WWP2: variants seen among roughly 807,000 people sequenced by gnomAD.
The protein encoded by WWP2 is NEDD4-like E3 ubiquitin-protein ligase WWP2.
Under a neutral mutation model 121.0 loss-of-function variants are expected in WWP2, and 57 were observed. That is an observed-to-expected ratio of 0.47 (90% CI 0.38 to 0.59). WWP2 has a LOEUF of 0.59. WWP2 is among the 20% of genes least tolerant of loss of function. The pLI is 0.00. For missense variants in WWP2, 962 were observed against 1,158.9 expected, an observed-to-expected ratio of 0.83 and a Z score of 2.47; for synonymous variants, 449 against 441.3, an observed-to-expected ratio of 1.02 and a Z score of -0.22.
intron 8 of WWP2, among the ~76,000 whole-genome samples, chr16:69,892,415 A>G (rs1242045827): frequency 6.6e-6 from 1 of 151,796 alleles, no homozygotes; most frequent in Non-Finnish European, 1.5e-5. Context: ...TCATTGAAAC[A>G]ATGATTCTCT....
chr16:69,934,892 C>T (rs1356506997), intron 17 of WWP2, among the ~76,000 whole-genome samples: 2 of 152,180 alleles, frequency 1.3e-5, no homozygotes, highest in South Asian at 2.1e-4. Flanking sequence ...AGTCCATGGG[C>T]GCTGCCGTTC....
intron 4 of WWP2, among the ~76,000 whole-genome samples, chr16:69,824,767 CTTTTTTTTTT>C (rs34154307): frequency 2.4e-5 from 2 of 82,754 alleles, no homozygotes; most frequent in Non-Finnish European, 4.3e-5. Flanking sequence ...GCACCTGTGG[CTTTTTTTTTT>C]TTTTTTTTTT....
intron 8 of WWP2, among the ~76,000 whole-genome samples, chr16:69,889,040 G>A (rs2057978964): frequency 6.6e-6 from 1 of 152,186 alleles, no homozygotes; most frequent in Admixed American, 6.5e-5. Flanking sequence ...AGATGGCGTG[G>A]TGGCTCACGT....
intron 6 of WWP2, among the ~76,000 whole-genome samples, chr16:69,847,197 G>T (rs1014667678): frequency 2.6e-5 from 4 of 152,078 alleles, no homozygotes; most frequent in Non-Finnish European, 5.9e-5. Context: ...CAATTCTCCT[G>T]TCTCATCCTC....
intron 1 of WWP2, among the ~76,000 whole-genome samples, chr16:69,779,261 AT>A (rs2055612721): frequency 1.3e-5 from 2 of 152,146 alleles, no homozygotes; most frequent in Non-Finnish European, 2.9e-5. Flanking sequence ...CCGGCCGGTT[AT>A]TTTTCTTTAT....
intron 10 of WWP2, among the ~76,000 whole-genome samples, chr16:69,920,072 G>T (rs1241354959): frequency 1.3e-5 from 2 of 152,146 alleles, no homozygotes; most frequent in African/African-American, 4.8e-5. Flanking sequence ...TGGGATTACA[G>T]GTGTGAGTCA....
rs758516062 is a variant in WWP2, at chr16:69,937,144, G to A, written c.2144G>A (p.Arg715Gln). The A allele has an allele frequency of 9.9e-6, 16 of 1,613,846 alleles. No individual in the cohort carries two copies. Among genetic ancestry groups the A allele is most frequent in the Admixed American group, 3.3e-5 (2 of 59,994 alleles). The change falls in exon 20 of 24, where the codon CGA becomes CAA. Residue 715 changes from arginine (R) to glutamine (Q), a missense_variant. Physicochemically the swap from Arg to Gln is conservative, Grantham distance 43. Transcript: ENST00000359154. The surrounding 1 kb of genome is among the most constrained non-coding windows in gnomAD (Gnocchi z 6.6). ...IMLLTDWRFT[R>Q]GVEEQTKAFL... ...CTGCTGACTGACTGGCGTTTCACCC[G>A]AGGCGTGGAAGAGCAGACCAAAGCC...
At chr16:69,932,337 AAAAC>A (rs879495073) in intron 16 of WWP2, among the ~76,000 whole-genome samples, 3 of 152,354 alleles carry the variant, frequency 2.0e-5, no homozygotes, top group Non-Finnish European at 4.4e-5. Flanking sequence ...TCTCAAAAAC[AAAAC>A]AAACAAAAAA....
At chr16:69,792,553 C>G (rs1271325987) in intron 2 of WWP2, among the ~76,000 whole-genome samples, 1 of 152,186 alleles carries the variant, frequency 6.6e-6, no homozygotes, top group Non-Finnish European at 1.5e-5. Context: ...AAATATCACC[C>G]TGCTGATTAA....
chr16:69,933,255 C>G (rs1189317395), intron 16 of WWP2: 1 of 404,640 alleles, frequency 2.5e-6, no homozygotes, highest in Admixed American at 2.8e-5. Flanking sequence ...CTTGGGACAT[C>G]CCCTTGCTGG....
intron 8 of WWP2, among the ~76,000 whole-genome samples, chr16:69,896,909 T>C (rs982263052): frequency 6.6e-5 from 10 of 152,236 alleles, no homozygotes; most frequent in African/African-American, 2.2e-4. Context: ...GCACCACATA[T>C]ACAGATACAC....
chr16:69,826,100 G>T (rs1047393520), intron 4 of WWP2, among the ~76,000 whole-genome samples: 1 of 150,114 alleles, frequency 6.7e-6, no homozygotes, highest in African/African-American at 2.5e-5. Flanking sequence ...AACCCCATCT[G>T]CACTAAAAAT....
rs1486302943 is a variant in WWP2, at chr16:69,762,338, G to C, written c.-69G>C. On this transcript the variant is annotated 5_prime_UTR_variant, in exon 1 of 24. Transcript: ENST00000359154. ...CACGTGACCCGGCCCGAGTGCGGGC[G>C]GTGGAAGGCGGAAGTAGGAGAGGAG... is the stretch of plus-strand genomic sequence containing the variant. The C allele has an allele frequency of 6.6e-6, 1 of 151,862 alleles. No homozygotes were observed. Among genetic ancestry groups the C allele is most frequent in the African/African-American group, 2.4e-5 (1 of 41,352 alleles). 9.4% of individuals were successfully genotyped at this position (151,862 alleles called of 1,614,324 possible).
At chr16:69,871,179 G>A (rs942544711) in intron 6 of WWP2, among the ~76,000 whole-genome samples, 1 of 152,182 alleles carries the variant, frequency 6.6e-6, no homozygotes, top group Admixed American at 6.5e-5. Flanking sequence ...AGCTACTGGG[G>A]AGGCTGAGGT....
At chr16:69,929,763 G>A (rs763220326) in intron 12 of WWP2, among the ~76,000 whole-genome samples, 2 of 152,224 alleles carry the variant, frequency 1.3e-5, no homozygotes, top group African/African-American at 2.4e-5. Context: ...CGGCTGGCGG[G>A]TGTTGCTGGT....
At chr16:69,873,513 G>C (rs976005869) in intron 7 of WWP2, among the ~76,000 whole-genome samples, 1 of 152,220 alleles carries the variant, frequency 6.6e-6, no homozygotes, top group Non-Finnish European at 1.5e-5. Flanking sequence ...TCAGCTGCCT[G>C]GCGCCCCTGT....
At chr16:69,879,265 A>C (rs1249002092) in intron 7 of WWP2, among the ~76,000 whole-genome samples, 4 of 152,202 alleles carry the variant, frequency 2.6e-5, no homozygotes, top group Non-Finnish European at 4.4e-5. Flanking sequence ...TGTGTAATTC[A>C]GTGGCATTAA....
rs376007962 is a variant in WWP2 at position 69,925,552 on chromosome 16, G to C, written c.1234+68G>C. 4.5e-6 allele frequency: 7 copies of C among 1,572,728 alleles called. No homozygotes were observed. Among genetic ancestry groups the C allele is most frequent in the Non-Finnish European group, 6.1e-6 (7 of 1,154,362 alleles). On this transcript the variant is annotated intron_variant, in intron 11 of 23. Coordinates refer to ENST00000359154, the MANE Select transcript of WWP2 (RefSeq NM_001270454.2). This position sits in a 1 kb window ranked among gnomAD's most constrained non-coding sequence, Gnocchi z 4.0. ...CCACGGTGCTCTGTCCTCTCCTCCC[G>C]CGTGTCTTCCTTCCCTGTTCCTGTC...
chr16:69,842,470 C>G (rs1488502207), intron 6 of WWP2, among the ~76,000 whole-genome samples: 3 of 152,090 alleles, frequency 2.0e-5, no homozygotes, highest in African/African-American at 7.2e-5. Flanking sequence ...TTTTTCAATT[C>G]TTGCTCCTCT....
Sources: gnomAD v4.1 joint callset for allele counts (sites outside exome capture counted in the v4.1 genomes callset) on GRCh38, gnomAD v4.1.1 for gene constraint, Gnocchi (gnomAD v3.1) non-coding constraint, MANE v1.5 for transcripts, NCBI Gene and HGNC (gene_info 2026-07-23, HGNC 2026-07-21) for gene names.